The following ETV6 variants were observed in gnomAD, a reference collection of about 807,000 sequenced individuals.
ETV6 encodes the protein ETS variant transcription factor 6, also known as transcription factor ETV6.
ETV6 carries 16 observed loss-of-function variants against 51.1 expected under a neutral mutation model. The observed-to-expected ratio is 0.31, with a 90% CI of 0.21 to 0.48. The LOEUF (loss-of-function observed/expected upper bound fraction) is 0.48. Ranked by LOEUF, ETV6 falls within the 20% of genes least tolerant of loss-of-function variation. The pLI is 0.99. For synonymous variants in ETV6, 240 were observed against 224.1 expected, an observed-to-expected ratio of 1.07 and a Z score of -0.64; for missense variants, 458 against 594.8, an observed-to-expected ratio of 0.77 and a Z score of 2.39.
intron 3 of ETV6, chr12:11,840,399 G>A (rs2136466044): frequency 2.2e-6 from 1 of 455,998 alleles, no homozygotes; most frequent in Non-Finnish European, 4.4e-6. Context: ...TCAGGTTTAT[G>A]CCTCTTGCGG....
intron 2 of ETV6, among the ~76,000 whole-genome samples, chr12:11,814,249 A>G (rs1341528501): frequency 6.6e-6 from 1 of 152,170 alleles, no homozygotes; most frequent in Non-Finnish European, 1.5e-5. Flanking sequence ...TTTTATTCAG[A>G]TCTTGTTTTA....
chr12:11,686,353 G>T (rs1444726038), intron 1 of ETV6, among the ~76,000 whole-genome samples: 1 of 152,168 alleles, frequency 6.6e-6, no homozygotes, highest in Non-Finnish European at 1.5e-5. Context: ...CTCTTCCAGG[G>T]CCTGGAGCTG....
chr12:11,823,493 G>A (rs1946111849), intron 2 of ETV6, among the ~76,000 whole-genome samples: 1 of 144,330 alleles, frequency 6.9e-6, no homozygotes, highest in Non-Finnish European at 1.5e-5. Flanking sequence ...TTGAGTTGGA[G>A]TCTGGCACCG....
intron 1 of ETV6, among the ~76,000 whole-genome samples, chr12:11,717,099 C>G (rs2120910504): frequency 6.6e-6 from 1 of 152,296 alleles, no homozygotes; most frequent in Non-Finnish European, 1.5e-5. Flanking sequence ...TCAGGGAAAG[C>G]TTTATTTTGC....
At chr12:11,700,667 A>G (rs1399316204) in intron 1 of ETV6, among the ~76,000 whole-genome samples, 3 of 152,198 alleles carry the variant, frequency 2.0e-5, no homozygotes, top group Non-Finnish European at 2.9e-5. Flanking sequence ...TATTAAGAAA[A>G]TCATAGGAGA....
intron 1 of ETV6, among the ~76,000 whole-genome samples, chr12:11,725,662 G>A (rs1227497983): frequency 6.6e-6 from 1 of 152,162 alleles, no homozygotes; most frequent in Non-Finnish European, 1.5e-5. Flanking sequence ...AAGGTGTGTG[G>A]GTCATGGAAG....
chr12:11,880,129 C>T (rs1344457377), intron 5 of ETV6, among the ~76,000 whole-genome samples: 1 of 150,988 alleles, frequency 6.6e-6, no homozygotes, highest in Non-Finnish European at 1.5e-5. Context: ...ACAAAACAAT[C>T]AATAATGTTA....
At chr12:11,865,407 T>C (rs888942132) in intron 4 of ETV6, among the ~76,000 whole-genome samples, 6 of 151,926 alleles carry the variant, frequency 3.9e-5, no homozygotes, top group South Asian at 2.1e-4. Flanking sequence ...TAAATGTTTT[T>C]TACAGTTTGG....
chr12:11,743,306 G>T (rs1451242257), intron 1 of ETV6, among the ~76,000 whole-genome samples: 1 of 152,130 alleles, frequency 6.6e-6, no homozygotes, highest in Non-Finnish European at 1.5e-5. Context: ...ACTCATTTGC[G>T]CTTGTTACTG....
intron 1 of ETV6, among the ~76,000 whole-genome samples, chr12:11,671,702 G>T (rs775607200): frequency 2.0e-5 from 3 of 152,168 alleles, no homozygotes; most frequent in Non-Finnish European, 4.4e-5. Context: ...CCAAAGCTCG[G>T]TTAAGTGACC....
chr12:11,799,182 C>T (rs1238850524), intron 2 of ETV6, among the ~76,000 whole-genome samples: 1 of 152,166 alleles, frequency 6.6e-6, no homozygotes, highest in African/African-American at 2.4e-5. Context: ...CATTCTTATC[C>T]ATGTAGCCCG....
At chr12:11,681,729 C>G (rs1209755529) in intron 1 of ETV6, among the ~76,000 whole-genome samples, 1 of 152,142 alleles carries the variant, frequency 6.6e-6, no homozygotes, top group African/African-American at 2.4e-5. Context: ...TCCTAGCCCC[C>G]ACCCACTGAC....
chr12:11,756,660 G>T lies in ETV6; in HGVS notation c.163+4081G>T, dbSNP rs1438698756. Among the ~76,000 whole-genome samples, 3 of 152,144 alleles carry T rather than the reference G, an allele frequency of 2.0e-5. No individual in the cohort carries two copies. In the South Asian group the frequency reaches 6.2e-4, roughly 32 times the overall value. Reference sequence around the variant, plus strand: ...TTCTCACCAGGGGACTTGTAGTCTCGCAAGGGAGGGATGTTTTCTGATTTG... The same window carrying T: ...TTCTCACCAGGGGACTTGTAGTCTCTCAAGGGAGGGATGTTTTCTGATTTG... On this transcript the variant is annotated intron_variant, in intron 2 of 7. Coordinates refer to ENST00000396373, the MANE Select transcript of ETV6 (RefSeq NM_001987.5).
In ETV6 at chr12:11,893,899, C is replaced by T. The variant is rs1032051779; in HGVS notation, c.*2853C>T. ...ATACAAAAAAAAACATTTAAAAATCCGAGACCCAGAACACTTCTGGTCCCA... is the reference window on the plus strand; with the variant it reads ...ATACAAAAAAAAACATTTAAAAATCTGAGACCCAGAACACTTCTGGTCCCA... On this transcript the variant is annotated 3_prime_UTR_variant, in exon 8 of 8. Transcript: ENST00000396373. 3.3e-4 allele frequency: 61 copies of T among 187,304 alleles called. No homozygotes were observed. Among genetic ancestry groups the T allele is most frequent in the African/African-American group, 5.2e-4 (21 of 40,114 alleles). The allele number at this position is 187,304 out of a possible 1,614,324, so 11.6% of individuals were successfully genotyped here. A position where few individuals can be genotyped will look rare whatever the true frequency, so the allele number is the denominator to read the frequency against.
intron 4 of ETV6, among the ~76,000 whole-genome samples, chr12:11,858,226 A>G (rs1946661264): frequency 6.6e-6 from 1 of 152,200 alleles, no homozygotes; most frequent in Non-Finnish European, 1.5e-5. Context: ...AAGGAGGTAA[A>G]ATAAACAATG....
At chr12:11,724,513 A>T (rs1204179815) in intron 1 of ETV6, among the ~76,000 whole-genome samples, 1 of 152,214 alleles carries the variant, frequency 6.6e-6, no homozygotes, top group Non-Finnish European at 1.5e-5. Flanking sequence ...GAACATTGAA[A>T]GTCTACTATA....
intron 3 of ETV6, among the ~76,000 whole-genome samples, chr12:11,841,185 C>T (rs1946385641): frequency 6.6e-6 from 1 of 152,226 alleles, no homozygotes; most frequent in Admixed American, 6.5e-5. Context: ...AAACTGGGTT[C>T]TCTCTGCTCA....
chr12:11,834,136 G>A (rs771583912), intron 2 of ETV6, among the ~76,000 whole-genome samples: 3 of 152,188 alleles, frequency 2.0e-5, no homozygotes, highest in African/African-American at 2.4e-5. Flanking sequence ...AATTAAGGAC[G>A]TTTCATCTGG....
intron 3 of ETV6, among the ~76,000 whole-genome samples, chr12:11,844,872 G>A (rs1000193029): frequency 8.0e-5 from 12 of 150,594 alleles, no homozygotes; most frequent in Non-Finnish European, 1.6e-4. Context: ...TCGCTCTGTC[G>A]CCAGGCTGGA....
Sources: allele counts gnomAD v4.1 joint callset (sites outside exome capture counted in the v4.1 genomes callset), GRCh38; gene constraint gnomAD v4.1.1; transcripts MANE v1.5; gene names NCBI Gene and HGNC (gene_info 2026-07-23, HGNC 2026-07-21).